Variants in RAD51B observed in about 807,000 individuals in gnomAD.
RAD51B encodes the protein RAD51 paralog B, also known as DNA repair protein RAD51 homolog 2.
A neutral mutation model predicts 42.2 loss-of-function variants in RAD51B; 38 were observed. The ratio of observed to expected loss-of-function variants is 0.90; its 90% CI spans 0.70 to 1.18. RAD51B has a LOEUF of 1.18. Ranked by LOEUF, RAD51B falls within the 50% of genes most tolerant of loss-of-function variation. RAD51B has a pLI of 0.00. For missense variants in RAD51B, 373 were observed against 400.7 expected, an observed-to-expected ratio of 0.93 and a Z score of 0.59; for synonymous variants, 154 against 145.2, an observed-to-expected ratio of 1.06 and a Z score of -0.43.
At chr14:68,347,516 G>A (rs770236398) in intron 8 of RAD51B, among the ~76,000 whole-genome samples, 10 of 152,144 alleles carry the variant, frequency 6.6e-5, no homozygotes, top group Admixed American at 5.2e-4. Context: ...GACCCATTCC[G>A]TATGAAAAAC....
chr14:67,912,878 G>C (rs547674831), intron 7 of RAD51B, among the ~76,000 whole-genome samples: 79 of 152,064 alleles, frequency 5.2e-4, no homozygotes, highest in Non-Finnish European at 1.1e-3. Flanking sequence ...GCTAATTTTT[G>C]TATTTTTAGT....
chr14:68,175,290 A>G (rs2078943016), intron 7 of RAD51B, among the ~76,000 whole-genome samples: 1 of 152,236 alleles, frequency 6.6e-6, no homozygotes, highest in African/African-American at 2.4e-5. Context: ...GAAATAAAGC[A>G]TACTGAAGAG....
At chr14:68,445,232 T>C (rs2085394792) in intron 9 of RAD51B, among the ~76,000 whole-genome samples, 1 of 152,164 alleles carries the variant, frequency 6.6e-6, no homozygotes, top group Non-Finnish European at 1.5e-5. Context: ...AATTCTCTTC[T>C]CAGCTTCACA....
At chr14:68,078,351 T>G (rs1257005088) in intron 7 of RAD51B, among the ~76,000 whole-genome samples, 1 of 152,226 alleles carries the variant, frequency 6.6e-6, no homozygotes, top group Non-Finnish European at 1.5e-5. Context: ...GTGTTTAAGC[T>G]GCATTTAGTT....
At chr14:67,973,279 G>A (rs1441377253) in intron 7 of RAD51B, among the ~76,000 whole-genome samples, 3 of 151,968 alleles carry the variant, frequency 2.0e-5, no homozygotes, top group Non-Finnish European at 4.4e-5. Context: ...TAGGAAATTA[G>A]AACAAAATAA....
chr14:67,823,655 T>G lies in RAD51B; in HGVS notation c.84+28T>G, dbSNP rs17783124. 523,069 of 1,559,548 alleles carry G rather than the reference T, an allele frequency of 0.34. 91,145 individuals are homozygous for G. The highest frequency in any genetic ancestry group is 0.36 in the Non-Finnish European group (408,701 of 1,135,422). On this transcript the variant is annotated intron_variant, in intron 2 of 10. Coordinates refer to ENST00000471583, the MANE Select transcript of RAD51B (RefSeq NM_133510.4). Reference sequence around the variant, plus strand: ...AAATTTTATTTAACATTTTTATTGATAAGTTTTATGCACAAGTTAACTTTA... The same window carrying G: ...AAATTTTATTTAACATTTTTATTGAGAAGTTTTATGCACAAGTTAACTTTA...
intron 7 of RAD51B, among the ~76,000 whole-genome samples, chr14:67,975,768 G>T (rs951946742): frequency 2.0e-5 from 3 of 152,218 alleles, no homozygotes; most frequent in Non-Finnish European, 2.9e-5. Context: ...TGTCACAAGA[G>T]CAGATTACAG....
chr14:67,903,136 G>A (rs548217569), intron 7 of RAD51B, among the ~76,000 whole-genome samples: 2 of 152,274 alleles, frequency 1.3e-5, no homozygotes, highest in South Asian at 2.1e-4. Flanking sequence ...GGGATTACAG[G>A]CGTGAGCCAC....
chr14:68,422,049 C>G (rs1488001931), intron 9 of RAD51B: 2 of 1,535,494 alleles, frequency 1.3e-6, no homozygotes, highest in African/African-American at 2.7e-5. Context: ...AAGCAGGAAA[C>G]CTTATAACCA....
intron 4 of RAD51B, among the ~76,000 whole-genome samples, chr14:67,855,126 C>T (rs1025063006): frequency 2.4e-4 from 36 of 152,250 alleles, no homozygotes; most frequent in African/African-American, 8.2e-4. Context: ...TCTCGATCTC[C>T]TGACCTCATG....
chr14:68,506,442 C>T (rs182211891), intron 10 of RAD51B, among the ~76,000 whole-genome samples: 1 of 152,348 alleles, frequency 6.6e-6, no homozygotes, highest in Admixed American at 6.5e-5. Context: ...GTTGCATGAA[C>T]GCCTGTTAGA....
At chr14:67,927,798 T>TATACATAAAAGA (rs1439850489) in intron 7 of RAD51B, among the ~76,000 whole-genome samples, 2 of 149,346 alleles carry the variant, frequency 1.3e-5, no homozygotes, top group African/African-American at 5.1e-5. Flanking sequence ...GTGTGTGTCT[T>TATACATAAAAGA]TTATGGTTCC....
At chr14:68,560,482 T>A (rs1188619673) in intron 10 of RAD51B, among the ~76,000 whole-genome samples, 1 of 152,070 alleles carries the variant, frequency 6.6e-6, no homozygotes, top group Non-Finnish European at 1.5e-5. Flanking sequence ...ACGCCTGTAA[T>A]CCCAGCACTT....
At chr14:68,416,203 T>C (rs2084554604) in intron 9 of RAD51B, among the ~76,000 whole-genome samples, 1 of 152,222 alleles carries the variant, frequency 6.6e-6, no homozygotes, top group African/African-American at 2.4e-5. Flanking sequence ...TCTTTGCATC[T>C]TGGAAATATT....
At chr14:67,936,279 G>C (rs958787063) in intron 7 of RAD51B, among the ~76,000 whole-genome samples, 9 of 152,076 alleles carry the variant, frequency 5.9e-5, no homozygotes, top group African/African-American at 2.2e-4. Flanking sequence ...CAAGCCCTTG[G>C]AAATCTCTAT....
intron 8 of RAD51B, among the ~76,000 whole-genome samples, chr14:68,322,377 C>T (rs1013887345): frequency 3.3e-5 from 5 of 152,164 alleles, no homozygotes; most frequent in Admixed American, 2.0e-4. Flanking sequence ...TTTCCCATTC[C>T]AACTGCCATC....
At chr14:68,634,512 G>A (rs79133584) in intron 10 of RAD51B, among the ~76,000 whole-genome samples, 274 of 152,170 alleles carry the variant, frequency 1.8e-3, no homozygotes, top group African/African-American at 6.2e-3. Context: ...CTTAGCCCCA[G>A]ATCCCTTTCT....
At chr14:67,865,822 G>A (rs2042322366) in intron 5 of RAD51B, among the ~76,000 whole-genome samples, 1 of 152,220 alleles carries the variant, frequency 6.6e-6, no homozygotes, top group South Asian at 2.1e-4. Flanking sequence ...ACAGGTGTGA[G>A]CCACTGCGCC....
rs141559029 is a variant in RAD51B at position 67,916,634 on chromosome 14, C to A, written c.756+29430C>A. On this transcript the variant is annotated intron_variant, in intron 7 of 10. Coordinates refer to ENST00000471583, the MANE Select transcript of RAD51B (RefSeq NM_133510.4). Reference sequence around the variant, plus strand: ...AGGCTTTATTTATTTTAGCCACAGACATGGATAAGAGGCAATCTAAGTTAA... The same window carrying A: ...AGGCTTTATTTATTTTAGCCACAGAAATGGATAAGAGGCAATCTAAGTTAA... Among the ~76,000 whole-genome samples, 131 of 152,258 alleles carry A rather than the reference C, an allele frequency of 8.6e-4. 1 individual carries two copies. The highest frequency in any genetic ancestry group is 1.4e-3 in the Non-Finnish European group (98 of 68,018).
Sources: gnomAD v4.1 joint callset for allele counts (sites outside exome capture counted in the v4.1 genomes callset) on GRCh38, gnomAD v4.1.1 for gene constraint, MANE v1.5 for transcripts, NCBI Gene and HGNC (gene_info 2026-07-23, HGNC 2026-07-21) for gene names.